The following FREM1 variants were observed in gnomAD, a reference collection of about 807,000 sequenced individuals.
FREM1 encodes the protein FRAS1-related extracellular matrix protein 1.
In FREM1, 220 loss-of-function variants were observed where a neutral mutation model predicts 210.1. That is an observed-to-expected ratio of 1.05 (90% CI 0.94 to 1.17). The LOEUF (loss-of-function observed/expected upper bound fraction) is 1.17. Ranked by LOEUF, FREM1 falls within the 50% of genes most tolerant of loss-of-function variation. The pLI, the probability that FREM1 is intolerant of heterozygous loss-of-function variation, is 0.00. For synonymous variants in FREM1, 1,189 were observed against 980.2 expected (o/e 1.21, Z -3.98); for missense variants, 3,454 against 2,675.5 (o/e 1.29, Z -6.42).
rs1054206655 is a variant in FREM1, at chr9:14,862,594, T to C, written c.329+1215A>G. ...TAGTCCCAAGGTTGTACAACCATCA[T>C]GACTACCTAATTCCAGAAGACTTTC... On this transcript the variant is annotated intron_variant, in intron 3 of 36. Coordinates refer to ENST00000380880, the MANE Select transcript of FREM1 (RefSeq NM_001379081.2). Among the ~76,000 whole-genome samples the C allele has an allele frequency of 2.0e-5, 3 of 152,316 alleles. No homozygotes were observed. In the East Asian group the frequency reaches 5.8e-4, roughly 29 times the overall value.
chr9:14,875,752 T>G (rs1208787402), intron 1 of FREM1, among the ~76,000 whole-genome samples: 1 of 152,220 alleles, frequency 6.6e-6, no homozygotes, highest in African/African-American at 2.4e-5. Context: ...AGAGGCGCTC[T>G]GCTTTTTAGA....
chr9:14,811,539 C>T (rs527401189), intron 16 of FREM1, among the ~76,000 whole-genome samples: 2 of 152,198 alleles, frequency 1.3e-5, no homozygotes, highest in Middle Eastern at 3.4e-3. Flanking sequence ...ATACGAACTA[C>T]GCTCCTCAGG....
chr9:14,849,252 C>T (rs557775958), intron 6 of FREM1, among the ~76,000 whole-genome samples: 3 of 152,214 alleles, frequency 2.0e-5, no homozygotes, highest in African/African-American at 7.2e-5. Flanking sequence ...AACATCCTAC[C>T]GTACACAGGA....
Position 14,816,687 on chromosome 9 carries a change from T to G in FREM1, c.2640+91A>C, listed in dbSNP as rs7854676. The G allele has an allele frequency of 0.011, 6,473 of 616,298 alleles. 249 individuals carry two copies. Among genetic ancestry groups the G allele is most frequent in the African/African-American group, 0.1 (5,290 of 52,698 alleles). The allele number at this position is 616,298 out of a possible 1,614,324, so 38.2% of individuals were successfully genotyped here. A position where few individuals can be genotyped will look rare whatever the true frequency, so the allele number is the denominator to read the frequency against. The stretch of plus-strand genomic sequence containing the variant: ...AGAGTCATGAGCCAAATAAATTTCT[T>G]TTCATTATAAATTACCCAGTCTGTA... On this transcript the variant is annotated intron_variant, in intron 15 of 36. Coordinates refer to ENST00000380880, the MANE Select transcript of FREM1 (RefSeq NM_001379081.2).
chr9:14,781,576 A>G (rs1849647603), intron 24 of FREM1, among the ~76,000 whole-genome samples: 1 of 152,178 alleles, frequency 6.6e-6, no homozygotes, highest in Non-Finnish European at 1.5e-5. Context: ...GTTTTATGGT[A>G]TTTATAGTAC....
chr9:14,880,280 A>G (rs571095943), intron 1 of FREM1, among the ~76,000 whole-genome samples: 9 of 152,326 alleles, frequency 5.9e-5, no homozygotes, highest in Admixed American at 5.9e-4. Context: ...ATTTTTTTAA[A>G]AAAAGGAAAA....
At chr9:14,814,667 C>G (rs562948191) in intron 15 of FREM1, among the ~76,000 whole-genome samples, 1 of 152,048 alleles carries the variant, frequency 6.6e-6, no homozygotes, top group Non-Finnish European at 1.5e-5. Context: ...TGTTCTTGAC[C>G]CTGAGGAATA....
intron 6 of FREM1, among the ~76,000 whole-genome samples, chr9:14,850,693 C>T (rs554448845): frequency 6.6e-6 from 1 of 152,272 alleles, no homozygotes; most frequent in South Asian, 2.1e-4. Flanking sequence ...CACACCTGCA[C>T]ATCCTGCACA....
intron 10 of FREM1, among the ~76,000 whole-genome samples, chr9:14,829,063 G>A (rs1043341353): frequency 1.3e-5 from 2 of 152,160 alleles, no homozygotes; most frequent in African/African-American, 2.4e-5. Context: ...CACATAGTAG[G>A]TGCCCAATAA....
At chr9:14,875,847 G>GT (rs566262582) in intron 1 of FREM1, among the ~76,000 whole-genome samples, 3 of 152,108 alleles carry the variant, frequency 2.0e-5, no homozygotes, top group South Asian at 2.1e-4. Context: ...TTACAGATGG[G>GT]TTTTTGGTGT....
chr9:14,853,855 T>A (rs749442272), intron 5 of FREM1, among the ~76,000 whole-genome samples: 3 of 152,144 alleles, frequency 2.0e-5, no homozygotes, highest in Non-Finnish European at 2.9e-5. Flanking sequence ...AGGGGTAAAT[T>A]GTGATTTAGA....
At chr9:14,802,269 G>A (rs993432654) in intron 19 of FREM1, among the ~76,000 whole-genome samples, 1 of 152,130 alleles carries the variant, frequency 6.6e-6, no homozygotes, top group Non-Finnish European at 1.5e-5. Flanking sequence ...ACCAATCCTC[G>A]TGGATCTCCT....
At chr9:14,738,787 A>G (rs1213189516) in intron 36 of FREM1, among the ~76,000 whole-genome samples, 3 of 152,036 alleles carry the variant, frequency 2.0e-5, no homozygotes, top group Non-Finnish European at 4.4e-5. Flanking sequence ...AGGCAGGTGG[A>G]TCACCTGAGG....
At chr9:14,870,467 G>GT (rs1281758927) in intron 1 of FREM1, among the ~76,000 whole-genome samples, 3 of 151,848 alleles carry the variant, frequency 2.0e-5, no homozygotes, top group African/African-American at 7.3e-5. Flanking sequence ...TGGTTGTTTT[G>GT]TTTTTTGTTG....
intron 28 of FREM1, among the ~76,000 whole-genome samples, chr9:14,758,380 A>T (rs1204340315): frequency 2.0e-5 from 3 of 152,186 alleles, no homozygotes; most frequent in African/African-American, 7.2e-5. Context: ...CTTTCTATGG[A>T]GGACGGGAGG....
intron 5 of FREM1, among the ~76,000 whole-genome samples, chr9:14,852,920 T>C (rs541371103): frequency 6.6e-6 from 1 of 152,308 alleles, no homozygotes; most frequent in East Asian, 1.9e-4. Flanking sequence ...ATATGCAGAA[T>C]TTACAAAGCA....
At chr9:14,832,660 G>C (rs760681544) in intron 10 of FREM1, among the ~76,000 whole-genome samples, 1 of 152,242 alleles carries the variant, frequency 6.6e-6, no homozygotes, top group East Asian at 1.9e-4. Context: ...TTGATGTAGA[G>C]TTGAGCTAGC....
chr9:14,906,338 G>A (rs886073476), intron 1 of FREM1, among the ~76,000 whole-genome samples: 10 of 152,166 alleles, frequency 6.6e-5, no homozygotes, highest in Admixed American at 5.2e-4. Flanking sequence ...CGGCCCTTGC[G>A]TCAATACTGC....
intron 23 of FREM1, among the ~76,000 whole-genome samples, chr9:14,788,338 T>C (rs930786483): frequency 3.9e-5 from 6 of 152,304 alleles, no homozygotes; most frequent in Non-Finnish European, 8.8e-5. Context: ...TCACCACTTA[T>C]ACAACTGACT....
Sources: allele counts gnomAD v4.1 joint callset (sites outside exome capture counted in the v4.1 genomes callset), GRCh38; gene constraint gnomAD v4.1.1; transcripts MANE v1.5; gene names NCBI Gene and HGNC (gene_info 2026-07-23, HGNC 2026-07-21).